CCDC33: variants seen among roughly 807,000 people sequenced by gnomAD.
CCDC33 encodes the protein coiled-coil domain-containing protein 33.
CCDC33 carries 94 observed loss-of-function variants against 91.9 expected under a neutral mutation model. That is an observed-to-expected ratio of 1.02 (90% CI 0.87 to 1.21). The LOEUF (loss-of-function observed/expected upper bound fraction) is 1.21, where lower values mean the gene tolerates loss of function less well. Ranked by LOEUF, CCDC33 falls within the 50% of genes most tolerant of loss-of-function variation. The pLI is 0.00. For synonymous variants in CCDC33, 396 were observed against 374.5 expected, an observed-to-expected ratio of 1.06 and a Z score of -0.66; for missense variants, 940 against 935.5, an observed-to-expected ratio of 1.00 and a Z score of -0.06.
Position 74,218,511 on chromosome 15 carries a change from G to C in CCDC33, c.325G>C (p.Asp109His). 1.6e-6 allele frequency: 2 copies of C among 1,285,902 alleles called. No individual in the cohort carries two copies. Among genetic ancestry groups the C allele is most frequent in the Middle Eastern group, 2.1e-4 (1 of 4,678 alleles). The allele number at this position is 1,285,902 out of a possible 1,614,324, so 79.7% of individuals were successfully genotyped here. ...CCCTCATCCAGGTTTCTGCAAGAAT[G>C]ACGGGCAGCATGATGCTCAGCTGCA... Residue 109 changes from aspartate to histidine, a missense_variant, in exon 2 of 3, where the codon GAC becomes CAC. Coordinates refer to the CCDC33 transcript ENST00000635913. This position sits in a 1 kb window ranked among gnomAD's most constrained non-coding sequence, Gnocchi z 4.8.
chr15:74,207,670 G>A (rs1219366774), intron 1 of CCDC33: 23 of 1,529,658 alleles, frequency 1.5e-5, no homozygotes, highest in Non-Finnish European at 1.8e-5. Context: ...GGCGTTCCAG[G>A]AGTGGGGGGA....
intron 2 of CCDC33, among the ~76,000 whole-genome samples, chr15:74,229,244 G>A (rs1422040998): frequency 1.3e-5 from 2 of 152,206 alleles, no homozygotes; most frequent in East Asian, 1.9e-4. Context: ...TGTAATCCCA[G>A]CACTTTGGGA....
chr15:74,243,875 G>A, intron 1 of CCDC33, 110 bp from the exon 2 acceptor site: 1 of 1,193,422 alleles, frequency 8.4e-7, no homozygotes, highest in Non-Finnish European at 1.2e-6. Flanking sequence ...AACCTGGGAG[G>A]TAGAGGCTGC....
chr15:74,267,685 C>T (rs1243771328), intron 4 of CCDC33, among the ~76,000 whole-genome samples: 2 of 151,036 alleles, frequency 1.3e-5, no homozygotes. Context: ...GGGTCCTAGA[C>T]CAAGTTTGTT....
At chr15:74,330,638 G>A in intron 12 of CCDC33, 25 bp from the exon 13 acceptor site, 1 of 1,593,104 alleles carries the variant, frequency 6.3e-7, no homozygotes, top group Non-Finnish European at 8.6e-7. Flanking sequence ...TCCTCCCTGA[G>A]CCAGCTCCCC....
chr15:74,258,476 C>T (rs1293262488), intron 2 of CCDC33, among the ~76,000 whole-genome samples: 1 of 152,138 alleles, frequency 6.6e-6, no homozygotes, highest in Non-Finnish European at 1.5e-5. Flanking sequence ...CAGAGGCCAA[C>T]AGGACAGGCA....
chr15:74,213,440 G>C (rs958318024), upstream of CCDC33: 5 of 152,346 alleles, frequency 3.3e-5, no homozygotes, highest in Non-Finnish European at 7.3e-5. Context: ...CTACACAGCT[G>C]TCCATGTGTC....
chr15:74,240,972 G>C (rs1055742240), intron 1 of CCDC33, among the ~76,000 whole-genome samples: 1 of 152,230 alleles, frequency 6.6e-6, no homozygotes, highest in Non-Finnish European at 1.5e-5. Context: ...AAGGCTGCTG[G>C]GGAGTGGGGG....
At chr15:74,217,545 C>T in exon 1 of CCDC33, 3 of 1,266,056 alleles carry the variant, frequency 2.4e-6, no homozygotes, top group Non-Finnish European at 3.1e-6. Context: ...GAGCCTCACC[C>T]TCACCAGGAG....
Position 74,218,735 on chromosome 15 carries a change from C to T in CCDC33, c.549C>T (p.Ser183=). The T allele has an allele frequency of 7.8e-7, 1 of 1,289,834 alleles. No individual in the cohort carries two copies. The highest frequency in any genetic ancestry group is 1.0e-6 in the Non-Finnish European group (1 of 988,876). The allele number at this position is 1,289,834 out of a possible 1,614,324, so 79.9% of individuals were successfully genotyped here. ...ACCCCACAGCCCGACACTGTGGGAG[C>T]CTGGCCTACAGTGTGGCCTTCCACG... is the stretch of plus-strand genomic sequence containing the variant. Residue 183 remains serine, a synonymous_variant, in exon 2 of 3, where the codon AGC becomes AGT. Transcript: ENST00000635913. This position sits in a 1 kb window ranked among gnomAD's most constrained non-coding sequence, Gnocchi z 4.8.
chr15:74,227,085 G>A (rs1209230698), intron 2 of CCDC33, among the ~76,000 whole-genome samples: 3 of 152,264 alleles, frequency 2.0e-5, no homozygotes, highest in South Asian at 2.1e-4. Context: ...TTGGCAGCCT[G>A]CAGAGCCCAT....
intron 7 of CCDC33, among the ~76,000 whole-genome samples, chr15:74,279,046 A>G (rs2076522199): frequency 6.6e-6 from 1 of 152,262 alleles, no homozygotes; most frequent in African/African-American, 2.4e-5. Context: ...ACCACCAGCC[A>G]TGGGTGTGAA....
At chr15:74,320,376 A>G (rs778921391) in intron 11 of CCDC33, among the ~76,000 whole-genome samples, 1 of 150,694 alleles carries the variant, frequency 6.6e-6, no homozygotes, top group African/African-American at 2.4e-5. Flanking sequence ...GCCCAGCTCC[A>G]CCCCTCCCCT....
chr15:74,211,195 T>C (rs1039152967), intron 2 of CCDC33, among the ~76,000 whole-genome samples: 96 of 150,720 alleles, frequency 6.4e-4, no homozygotes, highest in African/African-American at 2.0e-3. Context: ...CACTGCTTTT[T>C]CCCCCAAGAA....
chr15:74,324,461 T>C (rs988359406), intron 11 of CCDC33, among the ~76,000 whole-genome samples: 2 of 151,678 alleles, frequency 1.3e-5, no homozygotes, highest in African/African-American at 4.8e-5. Flanking sequence ...ATCTCCATCA[T>C]CCAAGCCGCA....
intron 10 of CCDC33, 130 bp downstream of exon 10, chr15:74,281,979 C>CAGGTAT: frequency 1.4e-6 from 1 of 736,770 alleles, no homozygotes. Flanking sequence ...ATAGAAACGT[C>CAGGTAT]TAAGGGTGAT....
chr15:74,225,192 G>A (rs1371576281), intron 2 of CCDC33, among the ~76,000 whole-genome samples: 1 of 151,618 alleles, frequency 6.6e-6, no homozygotes, highest in African/African-American at 2.4e-5. Context: ...GAGAGGAAGG[G>A]GTTGCCTGCC....
At chr15:74,215,933 A>G (rs1185594613), upstream of CCDC33, among the ~76,000 whole-genome samples, 1 of 151,654 alleles carries the variant, frequency 6.6e-6, no homozygotes, top group African/African-American at 2.4e-5. Context: ...AGGGAGGGAA[A>G]GAAGGGAGAG....
At chr15:74,298,690 A>G (rs2059735118) in intron 11 of CCDC33, among the ~76,000 whole-genome samples, 1 of 138,446 alleles carries the variant, frequency 7.2e-6, no homozygotes, top group Non-Finnish European at 1.5e-5. Context: ...CAGGCATTCG[A>G]CACCCTGGCT....
Sources: gnomAD v4.1 joint callset for allele counts (sites outside exome capture counted in the v4.1 genomes callset) on GRCh38, gnomAD v4.1.1 for gene constraint, Gnocchi (gnomAD v3.1) non-coding constraint, MANE v1.5 for transcripts, NCBI Gene and HGNC (gene_info 2026-07-23, HGNC 2026-07-21) for gene names.